CFAP43: variants seen among roughly 807,000 people sequenced by gnomAD.
CFAP43 encodes cilia and flagella associated protein 43.
CFAP43 carries 155 observed loss-of-function variants against 218.9 expected under a neutral mutation model. That is an observed-to-expected ratio of 0.71 (90% confidence interval 0.62 to 0.81). The LOEUF (loss-of-function observed/expected upper bound fraction) is 0.81, where lower values mean the gene tolerates loss of function less well. CFAP43 is among the 30% of genes least tolerant of loss of function. The pLI is 0.00. For missense variants in CFAP43, 1,778 were observed against 1,954.3 expected (o/e 0.91, Z 1.70); for synonymous variants, 645 against 681.3 (o/e 0.95, Z 0.83).
At chr10:104,217,074 C>A (rs2091031192) in intron 3 of CFAP43, among the ~76,000 whole-genome samples, 1 of 152,208 alleles carries the variant, frequency 6.6e-6, no homozygotes, top group Non-Finnish European at 1.5e-5. Flanking sequence ...TATCTCCAGC[C>A]CTCTCTCCTG....
At chr10:104,188,528 T>A in intron 12 of CFAP43, 118 bp from the exon 13 acceptor site, 1 of 1,302,258 alleles carries the variant, frequency 7.7e-7, no homozygotes, top group Non-Finnish European at 1.0e-6. Context: ...TAGAATCAAA[T>A]TATTTGCTGG....
In CFAP43 at chr10:104,186,105, T is replaced by G; in HGVS notation, c.1879A>C (p.Ile627Leu). Reference protein sequence around the residue: ...LPEEEHTGIYILKPYKKVQSR... With the variant: ...LPEEEHTGIYLLKPYKKVQSR... ...TGTACTTTTTTGTATGGTTTAAGAA[T>G]GTAGATACCGGTATGTTCCTGCCAA... The change falls in exon 15 of 38, where the codon ATT becomes CTT. Residue 627 changes from isoleucine (I) to leucine (L), a missense_variant. Physicochemically the swap from Ile to Leu is conservative, Grantham distance 5 (BLOSUM62 2). Transcript: ENST00000357060. The G allele has an allele frequency of 5.8e-6, 9 of 1,540,126 alleles. No homozygotes were observed. The highest frequency in any genetic ancestry group is 6.1e-6 in the Non-Finnish European group (7 of 1,149,364).
In CFAP43 at chr10:104,142,257, A is replaced by G. The variant is rs764569100; in HGVS notation, c.4271+24T>C. ...CCCTAATTAGACTTTGAATAGGTGA[A>G]CATGAAAGAAAGCTTCAAATTACAG... On this transcript the variant is annotated intron_variant, in intron 33 of 37. Transcript: ENST00000357060. 6.3e-6 allele frequency: 10 copies of G among 1,594,236 alleles called. No homozygotes were observed. The South Asian group carries it at 6.7e-5, about 11-fold the overall frequency.
intron 17 of CFAP43, 112 bp downstream of exon 17, chr10:104,182,254 G>A (rs2089871801): frequency 8.3e-7 from 1 of 1,204,510 alleles, no homozygotes; most frequent in South Asian, 1.9e-5. Flanking sequence ...TGGGATACCT[G>A]GATAAAGAGA....
intron 2 of CFAP43, among the ~76,000 whole-genome samples, chr10:104,226,077 CAA>C (rs1200724608): frequency 6.6e-6 from 1 of 152,104 alleles, no homozygotes; most frequent in African/African-American, 2.4e-5. Flanking sequence ...ACATGAATTC[CAA>C]AGTCTTAGCA....
intron 32 of CFAP43, 105 bp downstream of exon 32, chr10:104,143,321 G>T: frequency 1.0e-6 from 1 of 961,292 alleles, no homozygotes; most frequent in Non-Finnish European, 1.5e-6. Context: ...TACTACCCTA[G>T]CAGGGAAACC....
intron 27 of CFAP43, among the ~76,000 whole-genome samples, chr10:104,157,473 AAGGGG>A (rs1279315425): frequency 1.3e-5 from 2 of 152,172 alleles, no homozygotes; most frequent in African/African-American, 4.8e-5. Flanking sequence ...GTTGTTACCA[AAGGGG>A]CTCAGCGTCT....
chr10:104,167,061 C>T (rs936397826), intron 22 of CFAP43, among the ~76,000 whole-genome samples: 2 of 152,030 alleles, frequency 1.3e-5, no homozygotes, highest in African/African-American at 4.8e-5. Context: ...TACAAAGAAA[C>T]CTGTTAACAA....
At chr10:104,228,944 A>G (rs1013613093) in intron 2 of CFAP43, among the ~76,000 whole-genome samples, 19 of 152,192 alleles carry the variant, frequency 1.2e-4, no homozygotes, top group Non-Finnish European at 2.2e-4. Flanking sequence ...GATTAATATT[A>G]CTGATTAGTA....
chr10:104,182,257 T>A, intron 17 of CFAP43, 109 bp downstream of exon 17: 3 of 1,230,520 alleles, frequency 2.4e-6, no homozygotes, highest in Non-Finnish European at 3.3e-6. Context: ...GATACCTGGA[T>A]AAAGAGAAAT....
At chr10:104,194,089 G>A in intron 10 of CFAP43, 75 bp from the exon 11 acceptor site, 2 of 1,525,606 alleles carry the variant, frequency 1.3e-6, no homozygotes, top group Non-Finnish European at 8.8e-7. Flanking sequence ...ATTATACAGT[G>A]TACTTGAAAA....
intron 27 of CFAP43, 57 bp downstream of exon 27, chr10:104,160,970 CATTTGAAAAG>C: frequency 6.9e-7 from 1 of 1,447,664 alleles, no homozygotes; most frequent in Non-Finnish European, 9.4e-7. Context: ...AAGTAGAAAA[CATTTGAAAAG>C]ATATTTAAAC....
At chr10:104,215,526 G>A (rs2090989550) in intron 3 of CFAP43, among the ~76,000 whole-genome samples, 1 of 152,132 alleles carries the variant, frequency 6.6e-6, no homozygotes, top group South Asian at 2.1e-4. Context: ...CCTGGATGGA[G>A]ACAACTGAAA....
chr10:104,148,000 TG>T lies in CFAP43; in HGVS notation c.3661-3del. ...AAGGTTACTTATTTTCAGTTCCTCCTGTAGAAATATTTAAGAAAAAGGTTGG... is the reference window on the plus strand; with the variant it reads ...AAGGTTACTTATTTTCAGTTCCTCCTTAGAAATATTTAAGAAAAAGGTTGG... On this transcript the variant is annotated splice_polypyrimidine_tract_variant and splice_region_variant and intron_variant, in intron 28 of 37. Coordinates refer to ENST00000357060, the MANE Select transcript of CFAP43 (RefSeq NM_025145.7). 6.4e-7 allele frequency: 1 copy of T among 1,554,330 alleles called. No individual in the cohort carries two copies. The highest frequency in any genetic ancestry group is 8.7e-7 in the Non-Finnish European group (1 of 1,147,190).
intron 11 of CFAP43, 174 bp downstream of exon 11, chr10:104,193,692 G>T: frequency 2.5e-6 from 2 of 798,990 alleles, no homozygotes; most frequent in Non-Finnish European, 3.7e-6. Context: ...GGGTATGGGG[G>T]GTACTTTACT....
rs2089452845 is a variant in CFAP43, at chr10:104,172,503, T to C, written c.2493A>G (p.Leu831=). 6.2e-7 allele frequency: 1 copy of C among 1,606,008 alleles called. No individual in the cohort carries two copies. The highest frequency in any genetic ancestry group is 1.3e-5 in the African/African-American group (1 of 74,526). The change falls in exon 20 of 38, where the codon CTA becomes CTG. Residue 831 remains leucine, a synonymous_variant. Transcript: ENST00000357060. The stretch of plus-strand genomic sequence containing the variant: ...GTTGGTCTAATTTTGCAATATTTTC[T>C]AGTTTGTCATTTTCTTCCATCATAT... The part of the protein sequence containing the change: ...ILNMMEENDK[L]ENIAKLDQQE...
chr10:104,179,471 T>C (rs1354008082), intron 18 of CFAP43, among the ~76,000 whole-genome samples: 2 of 152,190 alleles, frequency 1.3e-5, no homozygotes, highest in Non-Finnish European at 2.9e-5. Context: ...CCTTCCTGAA[T>C]AGCTGCAGCC....
At chr10:104,231,187 G>A (rs1012480871) in intron 1 of CFAP43, among the ~76,000 whole-genome samples, 4 of 152,174 alleles carry the variant, frequency 2.6e-5, no homozygotes, top group Non-Finnish European at 4.4e-5. Flanking sequence ...AGAGAAAAGA[G>A]CTTGATCTCA....
At chr10:104,222,394 G>T (rs185712178) in intron 3 of CFAP43, among the ~76,000 whole-genome samples, 9 of 152,266 alleles carry the variant, frequency 5.9e-5, no homozygotes, top group African/African-American at 1.9e-4. Flanking sequence ...GGTGCCATCG[G>T]GGTTGCTCCC....
Sources: allele counts gnomAD v4.1 joint callset (sites outside exome capture counted in the v4.1 genomes callset), GRCh38; gene constraint gnomAD v4.1.1; transcripts MANE v1.5; gene names NCBI Gene and HGNC (gene_info 2026-07-23, HGNC 2026-07-21).